CC2D2A: variants seen among roughly 807,000 people sequenced by gnomAD.
The protein encoded by CC2D2A is coiled-coil and C2 domain-containing protein 2A.
CC2D2A carries 155 observed loss-of-function variants against 212.9 expected under a neutral mutation model. The ratio of observed to expected loss-of-function variants is 0.73; its 90% CI spans 0.64 to 0.83. The LOEUF is 0.83. Among genes scored for constraint, CC2D2A ranks in the 40% least tolerant of loss-of-function variants. CC2D2A has a pLI of 0.00. For synonymous variants in CC2D2A, 667 were observed against 686.5 expected, an observed-to-expected ratio of 0.97 and a Z score of 0.44; for missense variants, 1,856 against 1,956.2, an observed-to-expected ratio of 0.95 and a Z score of 0.97.
intron 11 of CC2D2A, among the ~76,000 whole-genome samples, chr4:15,521,461 T>G (rs962745906): frequency 3.2e-4 from 49 of 152,314 alleles, no homozygotes; most frequent in African/African-American, 1.2e-3. Flanking sequence ...CATTATTCCA[T>G]GAAATAGGCT....
intron 6 of CC2D2A, among the ~76,000 whole-genome samples, chr4:15,505,285 AG>A (rs1716193971): frequency 6.6e-6 from 1 of 152,228 alleles, no homozygotes; most frequent in African/African-American, 2.4e-5. Context: ...GATTTGTGAT[AG>A]GTGAACAAAT....
rs190698163 is a variant in CC2D2A at position 15,540,883 on chromosome 4, T to A, written c.2050T>A (p.Leu684Ile). 3.3e-4 allele frequency: 521 copies of A among 1,596,822 alleles called. 1 individual carries two copies. The African/African-American group carries it at 6.1e-3, about 19-fold the overall frequency. ...REDVKKRSVYLKVLFNNKEVS... is the reference protein window; with the variant it reads ...REDVKKRSVYIKVLFNNKEVS... ...GGATGTAAAGAAGCGCTCAGTGTAC[T>A]TAAAAGTGCTGTTCAACAACAAGGA... is the stretch of plus-strand genomic sequence containing the variant. The change falls in exon 17 of 37, where the codon TTA (leucine) becomes ATA (isoleucine). Residue 684 changes from leucine to isoleucine, a missense_variant. This residue lies in a region of CC2D2A where 1,512 missense variants were observed against 1,579.3 expected (regional missense o/e 0.96). Coordinates refer to ENST00000424120, the MANE Select transcript of CC2D2A (RefSeq NM_001378615.1).
Position 15,581,094 on chromosome 4 carries a change from T to C in CC2D2A, c.3975+923T>C, listed in dbSNP as rs183557058. Among the ~76,000 whole-genome samples the C allele has an allele frequency of 3.3e-5, 5 of 152,162 alleles. No individual in the cohort carries two copies. The East Asian group carries it at 9.7e-4, about 29-fold the overall frequency. On this transcript the variant is annotated intron_variant, in intron 30 of 36. Coordinates refer to ENST00000424120, the MANE Select transcript of CC2D2A (RefSeq NM_001378615.1). ...ATAACCCATAACTGCCTTTGGAGAGTGGATAATATAGGAAGTTATTGCTAC... is the reference window on the plus strand; with the variant it reads ...ATAACCCATAACTGCCTTTGGAGAGCGGATAATATAGGAAGTTATTGCTAC...
intron 1 of CC2D2A, 22 bp from the exon 2 acceptor site, chr4:15,475,893 C>T (rs746504118): frequency 6.5e-7 from 1 of 1,547,072 alleles, no homozygotes; most frequent in South Asian, 1.2e-5. Flanking sequence ...AAATGCCTGA[C>T]TTCTTCATTG....
Position 15,537,023 on chromosome 4 carries a change from A to G in CC2D2A, c.1711A>G (p.Met571Val), listed in dbSNP as rs749251533. Residue 571 changes from methionine to valine, a missense_variant, in exon 15 of 37, where the codon ATG (methionine) becomes GTG (valine). Met to Val is a conservative substitution (Grantham distance 21, BLOSUM62 1). Coordinates refer to ENST00000424120, the MANE Select transcript of CC2D2A (RefSeq NM_001378615.1). The stretch of plus-strand genomic sequence containing the variant: ...GCACACGGAGGAGTACGCACAGAAG[A>G]TGGAAGAATACAGAACGTCGTTACA... Reference protein sequence around the residue: ...EEHTEEYAQKMEEYRTSLQQW... With the variant: ...EEHTEEYAQKVEEYRTSLQQW... 3.7e-6 allele frequency: 6 copies of G among 1,613,634 alleles called. No homozygotes were observed. The highest frequency in any genetic ancestry group is 5.1e-6 in the Non-Finnish European group (6 of 1,179,734).
At position 15,524,487 on chromosome 4, in the gene CC2D2A, G is replaced by A. The variant is rs1717394640; in HGVS notation, c.1150-2960G>A. Among the ~76,000 whole-genome samples the A allele has an allele frequency of 6.5e-5, 8 of 122,144 alleles. No individual in the cohort carries two copies. The Admixed American group carries it at 7.6e-4, about 12-fold the overall frequency. The allele number at this position is 122,144 out of a possible 152,430, so 80.1% of individuals were successfully genotyped here. On this transcript the variant is annotated intron_variant, in intron 11 of 36. Coordinates refer to ENST00000424120, the MANE Select transcript of CC2D2A (RefSeq NM_001378615.1). ...TTTTTTTGAGATGGAGTCTCACTCT[G>A]CTGCCCAGGCTGGAGTGCAGTAGCG...
rs569613941 is a variant in CC2D2A, at chr4:15,527,106, T to G, written c.1150-341T>G. Among the ~76,000 whole-genome samples, 12 of 152,262 alleles carry G rather than the reference T, an allele frequency of 7.9e-5. No homozygotes were observed. In the East Asian group the frequency reaches 2.3e-3, roughly 29 times the overall value. ...TCTATGCTCCTCCCAGTAAAAGAATTTCAAGGTCACCAGCTACAAAACCCA... is the reference window on the plus strand; with the variant it reads ...TCTATGCTCCTCCCAGTAAAAGAATGTCAAGGTCACCAGCTACAAAACCCA... On this transcript the variant is annotated intron_variant, in intron 11 of 36. Coordinates refer to ENST00000424120, the MANE Select transcript of CC2D2A (RefSeq NM_001378615.1).
intron 1 of CC2D2A, among the ~76,000 whole-genome samples, chr4:15,470,320 C>T (rs1713639099): frequency 6.6e-6 from 1 of 152,144 alleles, no homozygotes; most frequent in South Asian, 2.1e-4. Context: ...AGTGAAAATG[C>T]TCTCTGACCA....
chr4:15,507,374 T>C (rs79908138), intron 6 of CC2D2A, among the ~76,000 whole-genome samples: 1,649 of 152,312 alleles, frequency 0.011, 15 homozygotes, highest in Non-Finnish European at 0.015. Context: ...CCCTCATTTT[T>C]ATTCTGGCCA....
chr4:15,589,787 A>ATG lies in CC2D2A; in HGVS notation c.4314+109_4314+110insGT, dbSNP rs1721014303. ...AACCAAAATATTTATATAAATGAAT[A>ATG]TATATATATATACACACATATATAT... On this transcript the variant is annotated intron_variant, in intron 33 of 36. Coordinates refer to ENST00000424120, the MANE Select transcript of CC2D2A (RefSeq NM_001378615.1). The ATG allele has an allele frequency of 6.7e-6, 2 of 299,474 alleles. 1 individual carries two copies. Among genetic ancestry groups the ATG allele is most frequent in the Non-Finnish European group, 1.0e-5 (2 of 191,904 alleles). 18.6% of individuals were successfully genotyped at this position (299,474 alleles called of 1,614,324 possible).
At chr4:15,586,063 G>A (rs755343455) in intron 30 of CC2D2A, 94 bp from the exon 31 acceptor site, 9 of 824,188 alleles carry the variant, frequency 1.1e-5, no homozygotes, top group Admixed American at 1.0e-4. Flanking sequence ...ACATGTAAAT[G>A]TTTGTAATAT....
intron 36 of CC2D2A, among the ~76,000 whole-genome samples, chr4:15,600,808 G>A (rs1721554206): frequency 6.6e-6 from 1 of 151,740 alleles, no homozygotes; most frequent in African/African-American, 2.4e-5. Flanking sequence ...GGCTAAAGTG[G>A]GGGGACCATT....
At chr4:15,485,897 T>C (rs1478777683) in intron 4 of CC2D2A, among the ~76,000 whole-genome samples, 2 of 152,164 alleles carry the variant, frequency 1.3e-5, no homozygotes, top group Non-Finnish European at 2.9e-5. Context: ...AATTTGCAAA[T>C]ATTTTTTCAC....
chr4:15,470,687 CTCTATATATATA>C (rs1472307152), intron 1 of CC2D2A, among the ~76,000 whole-genome samples: 15 of 32,394 alleles, frequency 4.6e-4, no homozygotes, highest in African/African-American at 1.2e-3. Context: ...CTCTCTCTCT[CTCTATATATATA>C]TATATATATA....
chr4:15,538,381 A>C (rs1299629782), intron 16 of CC2D2A, among the ~76,000 whole-genome samples: 1 of 152,226 alleles, frequency 6.6e-6, no homozygotes, highest in Non-Finnish European at 1.5e-5. Flanking sequence ...TCAGGAGCAC[A>C]CTGGAAAGCT....
chr4:15,550,799 G>A, intron 17 of CC2D2A, 25 bp from the exon 18 acceptor site: 2 of 1,527,236 alleles, frequency 1.3e-6, no homozygotes, highest in Non-Finnish European at 1.8e-6. Flanking sequence ...GTTTTTATTG[G>A]CTATTTCTCT....
At position 15,599,676 on chromosome 4, in the gene CC2D2A, AG is replaced by A; in HGVS notation, c.4645del (p.Glu1549AsnfsTer3). ...GEDVEDDHRA[E>X]LLKQLGDYRF... The stretch of plus-strand genomic sequence containing the variant: ...AAGATGTAGAAGATGACCACAGAGC[AG>A]AACTGCTAAAACAGCTGGGAGACTA... On this transcript the variant is annotated frameshift_variant, in exon 36 of 37. Coordinates refer to ENST00000424120, the MANE Select transcript of CC2D2A (RefSeq NM_001378615.1). LOFTEE classifies it high-confidence loss of function. 6.2e-7 allele frequency: 1 copy of A among 1,612,544 alleles called. No homozygotes were observed. The highest frequency in any genetic ancestry group is 8.5e-7 in the Non-Finnish European group (1 of 1,178,830).
chr4:15,540,778 A>G, intron 16 of CC2D2A, 59 bp from the exon 17 acceptor site: 4 of 1,448,740 alleles, frequency 2.8e-6, no homozygotes, highest in Non-Finnish European at 2.8e-6. Context: ...TTTATCATAT[A>G]TTTTGGTGAT....
At chr4:15,543,746 G>C (rs758242723) in intron 17 of CC2D2A, 1 of 152,438 alleles carries the variant, frequency 6.6e-6, no homozygotes, top group African/African-American at 2.4e-5. Flanking sequence ...TGATGGCCTG[G>C]AACACTTGAA....
Sources: allele counts gnomAD v4.1 joint callset (sites outside exome capture counted in the v4.1 genomes callset), GRCh38; gene constraint gnomAD v4.1.1; regional missense constraint gnomAD v4.1.1; transcripts MANE v1.5; gene names NCBI Gene and HGNC (gene_info 2026-07-23, HGNC 2026-07-21).